The following SLC22A24 variants were observed in gnomAD, a reference collection of about 807,000 sequenced individuals.
SLC22A24 encodes the protein steroid transmembrane transporter SLC22A24.
Under a neutral mutation model 49.8 loss-of-function variants are expected in SLC22A24, and 53 were observed. The ratio of observed to expected loss-of-function variants is 1.06; its 90% confidence interval spans 0.85 to 1.34. SLC22A24 has a LOEUF of 1.34. SLC22A24 is among the 40% of genes most tolerant of loss of function. The pLI, the probability that SLC22A24 is intolerant of heterozygous loss-of-function variation, is 0.00. For missense variants in SLC22A24, 786 were observed against 675.9 expected, an observed-to-expected ratio of 1.16 and a Z score of -1.81; for synonymous variants, 302 against 256.4, an observed-to-expected ratio of 1.18 and a Z score of -1.70.
intron 2 of SLC22A24, among the ~76,000 whole-genome samples, chr11:63,131,702 C>A (rs2087336725): frequency 6.6e-6 from 1 of 152,142 alleles, no homozygotes; most frequent in Admixed American, 6.5e-5. Context: ...TCTCTGGCTG[C>A]CCTTAATATT....
rs564765608 is a variant in SLC22A24 at position 63,123,676 on chromosome 11, C to T, written c.507-4341G>A. Reference sequence around the variant, plus strand: ...ATCAGAATTTACTTGTTTGCTTGGGCGAAAAGCCTATATCCCCTTGGATTC... The same window carrying T: ...ATCAGAATTTACTTGTTTGCTTGGGTGAAAAGCCTATATCCCCTTGGATTC... On this transcript the variant is annotated intron_variant, in intron 2 of 9. Coordinates refer to ENST00000612278, the MANE Select transcript of SLC22A24 (RefSeq NM_001136506.2). Among the ~76,000 whole-genome samples the T allele has an allele frequency of 1.4e-3, 215 of 152,246 alleles. 4 individuals carry two copies. Among genetic ancestry groups the T allele is most frequent in the Admixed American group, 2.0e-3 (30 of 15,274 alleles).
At chr11:63,110,099 T>A (rs1366125148) in intron 4 of SLC22A24, among the ~76,000 whole-genome samples, 2 of 151,910 alleles carry the variant, frequency 1.3e-5, no homozygotes, top group African/African-American at 2.4e-5. Context: ...ATTTATTAAA[T>A]AGGGAATCCT....
chr11:63,124,451 T>A (rs140462295), intron 2 of SLC22A24, among the ~76,000 whole-genome samples: 49 of 152,284 alleles, frequency 3.2e-4, no homozygotes, highest in African/African-American at 9.9e-4. Flanking sequence ...TTCTTAAAGG[T>A]TTTGTAACAG....
At chr11:63,098,858 C>G (rs1332161005) in intron 5 of SLC22A24, among the ~76,000 whole-genome samples, 1 of 151,750 alleles carries the variant, frequency 6.6e-6, no homozygotes, top group African/African-American at 2.4e-5. Context: ...AAAAGATAAA[C>G]AAAATTGACA....
At chr11:63,085,194 T>C (rs1477475597) in intron 6 of SLC22A24, among the ~76,000 whole-genome samples, 1 of 152,022 alleles carries the variant, frequency 6.6e-6, no homozygotes. Flanking sequence ...GATATAAAAT[T>C]TCTATAAATT....
intron 1 of SLC22A24, among the ~76,000 whole-genome samples, chr11:63,142,905 G>T (rs538590685): frequency 3.6e-4 from 54 of 152,012 alleles, no homozygotes; most frequent in Admixed American, 1.5e-3. Context: ...TAAAACTCTG[G>T]CCTCCCTCAA....
chr11:63,090,259 G>A (rs935735662), intron 6 of SLC22A24, among the ~76,000 whole-genome samples: 1 of 151,790 alleles, frequency 6.6e-6, no homozygotes, highest in Non-Finnish European at 1.5e-5. Context: ...CACAATAATA[G>A]TGGGAGACTT....
intron 4 of SLC22A24, among the ~76,000 whole-genome samples, chr11:63,113,193 TATATATATAC>T (rs1565332305): frequency 9.2e-4 from 5 of 5,446 alleles, no homozygotes; most frequent in African/African-American, 1.8e-3. Context: ...TATATACACA[TATATATATAC>T]ATATATATAC....
intron 5 of SLC22A24, among the ~76,000 whole-genome samples, chr11:63,101,761 AG>A (rs1378631749): frequency 4.6e-5 from 7 of 152,158 alleles, no homozygotes; most frequent in Admixed American, 4.6e-4. Flanking sequence ...AGCCATAAAA[AG>A]AATGAGATTC....
intron 2 of SLC22A24, among the ~76,000 whole-genome samples, chr11:63,133,133 G>C (rs528118824): frequency 6.6e-6 from 1 of 152,310 alleles, no homozygotes; most frequent in South Asian, 2.1e-4. Flanking sequence ...GCATGCGAGG[G>C]AATCTCCTGA....
intron 4 of SLC22A24, among the ~76,000 whole-genome samples, chr11:63,114,889 G>A (rs2087200623): frequency 1.3e-5 from 2 of 152,136 alleles, no homozygotes; most frequent in African/African-American, 4.8e-5. Flanking sequence ...ACCAGTGGAG[G>A]TTTTGCAGAA....
At chr11:63,106,432 C>T (rs928654443) in intron 4 of SLC22A24, among the ~76,000 whole-genome samples, 3 of 152,122 alleles carry the variant, frequency 2.0e-5, no homozygotes, top group Non-Finnish European at 4.4e-5. Flanking sequence ...ATTTATAATC[C>T]TTTGGGTACA....
At chr11:63,083,111 CAT>C (rs2086968699) in intron 7 of SLC22A24, 130 bp downstream of exon 7, 8 of 713,386 alleles carry the variant, frequency 1.1e-5, no homozygotes. Flanking sequence ...TCCAAACCCT[CAT>C]ATTAACTTCA....
chr11:63,100,047 T>G (rs2134648282), intron 5 of SLC22A24, among the ~76,000 whole-genome samples: 1 of 152,324 alleles, frequency 6.6e-6, no homozygotes, highest in African/African-American at 2.4e-5. Flanking sequence ...ACTACTGTTT[T>G]TCAACATAGT....
chr11:63,103,686 C>A (rs1205249750), intron 5 of SLC22A24, among the ~76,000 whole-genome samples: 1 of 152,114 alleles, frequency 6.6e-6, no homozygotes, highest in Non-Finnish European at 1.5e-5. Context: ...CCAAAAAGGT[C>A]TTTTATCTAT....
chr11:63,116,912 A>G (rs2087216570), intron 4 of SLC22A24, among the ~76,000 whole-genome samples: 1 of 152,138 alleles, frequency 6.6e-6, no homozygotes, highest in South Asian at 2.1e-4. Flanking sequence ...TAGAATTTCT[A>G]TTTGGCTCCT....
chr11:63,136,990 G>T (rs1207712733), intron 1 of SLC22A24, among the ~76,000 whole-genome samples: 2 of 152,144 alleles, frequency 1.3e-5, no homozygotes, highest in Non-Finnish European at 2.9e-5. Context: ...GCATTGGTGA[G>T]TATCCTAGAC....
At chr11:63,091,818 CTG>C (rs149281334) in intron 6 of SLC22A24, among the ~76,000 whole-genome samples, 5,060 of 152,180 alleles carry the variant, frequency 0.033, 246 homozygotes, top group African/African-American at 0.11. Flanking sequence ...ATGGCAAAAA[CTG>C]GAAGCATTTC....
At chr11:63,088,208 A>G (rs1030894790) in intron 6 of SLC22A24, among the ~76,000 whole-genome samples, 4 of 152,220 alleles carry the variant, frequency 2.6e-5, no homozygotes, top group African/African-American at 7.2e-5. Flanking sequence ...CCCCTCTGGG[A>G]TGAAGCTTCC....
Sources: allele counts gnomAD v4.1 joint callset (sites outside exome capture counted in the v4.1 genomes callset), GRCh38; gene constraint gnomAD v4.1.1; transcripts MANE v1.5; gene names NCBI Gene and HGNC (gene_info 2026-07-23, HGNC 2026-07-21).